SLC7A10: variants seen among roughly 807,000 people sequenced by gnomAD.
SLC7A10 encodes solute carrier family 7 member 10.
SLC7A10 carries 30 observed loss-of-function variants against 52.7 expected under a neutral mutation model. The ratio of observed to expected loss-of-function variants is 0.57; its 90% CI spans 0.43 to 0.77. The LOEUF is 0.77. SLC7A10 is among the 30% of genes least tolerant of loss of function. The probability of loss-of-function intolerance (pLI) is 0.00; values close to 1 mark genes in which losing one functional copy is unlikely to be tolerated. For synonymous variants in SLC7A10, 318 were observed against 314.9 expected, an observed-to-expected ratio of 1.01 and a Z score of -0.10; for missense variants, 581 against 698.5, an observed-to-expected ratio of 0.83 and a Z score of 1.90.
At position 33,225,749 on chromosome 19, in the gene SLC7A10, C is replaced by G. The variant is rs2080144958; in HGVS notation, c.-46G>C. On this transcript the variant is annotated 5_prime_UTR_variant, in exon 1 of 11. Coordinates refer to ENST00000253188, the MANE Select transcript of SLC7A10 (RefSeq NM_019849.3). ...CCGCTCCCTGCGCTGCCCCGTCTGTCCGGCCGGCCGCCCGTCGGTCCGTCG... is the reference window on the plus strand; with the variant it reads ...CCGCTCCCTGCGCTGCCCCGTCTGTGCGGCCGGCCGCCCGTCGGTCCGTCG... 6.9e-7 allele frequency: 1 copy of G among 1,454,894 alleles called. No homozygotes were observed. The highest frequency in any genetic ancestry group is 1.5e-5 in the African/African-American group (1 of 67,198). 90.1% of individuals were successfully genotyped at this position (1,454,894 alleles called of 1,614,324 possible). A position where few individuals can be genotyped will look rare whatever the true frequency, so the allele number is the denominator to read the frequency against.
In SLC7A10 at chr19:33,208,834, A is replaced by G; in HGVS notation, c.*57T>C. 2 of 1,599,626 alleles carry G rather than the reference A, an allele frequency of 1.3e-6. No homozygotes were observed. Among genetic ancestry groups the G allele is most frequent in the East Asian group, 2.3e-5 (1 of 43,990 alleles). ...CAAAACAAAACTTTTTTGCCAAAAC[A>G]CCTCCTCAATAAACAACATGTAAAC... On this transcript the variant is annotated 3_prime_UTR_variant, in exon 11 of 11. Transcript: ENST00000253188. The surrounding 1 kb of genome is among the most constrained non-coding windows in gnomAD (Gnocchi z 4.7).
chr19:33,224,070 A>G (rs1410631534), intron 1 of SLC7A10, among the ~76,000 whole-genome samples: 1 of 152,012 alleles, frequency 6.6e-6, no homozygotes, highest in African/African-American at 2.4e-5. Context: ...GGGATAGAGT[A>G]GGAAGACAGG....
At chr19:33,214,677 G>A (rs181118598) in intron 2 of SLC7A10, among the ~76,000 whole-genome samples, 8 of 152,292 alleles carry the variant, frequency 5.3e-5, no homozygotes, top group Admixed American at 1.3e-4. Flanking sequence ...AGCTAGGCCC[G>A]GTGGGGAAAA....
In SLC7A10 at chr19:33,208,879, T is replaced by A; in HGVS notation, c.*12A>T. The A allele has an allele frequency of 1.3e-6, 2 of 1,547,254 alleles. No homozygotes were observed. The highest frequency in any genetic ancestry group is 1.8e-6 in the Non-Finnish European group (2 of 1,138,988). On this transcript the variant is annotated 3_prime_UTR_variant, in exon 11 of 11. Coordinates refer to ENST00000253188, the MANE Select transcript of SLC7A10 (RefSeq NM_019849.3). The surrounding 1 kb of genome is among the most constrained non-coding windows in gnomAD (Gnocchi z 4.7). ...GTAAACAGAAACAACTGCTTCAGTC[T>A]CTACAAAAATCTCATTGTGGCTTCG...
intron 2 of SLC7A10, 100 bp from the exon 3 acceptor site, chr19:33,213,102 C>CG (rs1384632675): frequency 1.3e-6 from 2 of 1,506,952 alleles, no homozygotes; most frequent in Admixed American, 2.0e-5. Context: ...GCCTGGCGCC[C>CG]GGGGGCTGGC....
intron 3 of SLC7A10, 73 bp from the exon 4 acceptor site, chr19:33,212,712 G>C: frequency 6.2e-7 from 1 of 1,611,608 alleles, no homozygotes; most frequent in Non-Finnish European, 8.5e-7. Context: ...GTCCAGCCCA[G>C]GCGGCCCGAG....
In SLC7A10 at chr19:33,209,367, G is replaced by A. The variant is rs376605822; in HGVS notation, c.1382C>T (p.Pro461Leu). The stretch of plus-strand genomic sequence containing the variant: ...CCAGAACACTCCCAGAAAGAAAATG[G>A]GCACCCCCGTAAGGATGATGATGAC... ...VGVIIILTGVPIFFLGVFWRS... is the reference protein window; with the variant it reads ...VGVIIILTGVLIFFLGVFWRS... The change falls in exon 10 of 11, where the codon CCC becomes CTC. Residue 461 changes from proline to leucine, a missense_variant. Coordinates refer to ENST00000253188, the MANE Select transcript of SLC7A10 (RefSeq NM_019849.3). The A allele has an allele frequency of 1.1e-5, 17 of 1,614,056 alleles. No individual in the cohort carries two copies. Among genetic ancestry groups the A allele is most frequent in the Non-Finnish European group, 1.4e-5 (17 of 1,180,004 alleles).
At chr19:33,213,104 G>A in intron 2 of SLC7A10, 102 bp from the exon 3 acceptor site, 1 of 1,508,988 alleles carries the variant, frequency 6.6e-7, no homozygotes. Flanking sequence ...CTGGCGCCCG[G>A]GGGCTGGCGA....
intron 1 of SLC7A10, among the ~76,000 whole-genome samples, chr19:33,216,988 C>T (rs1006773979): frequency 1.4e-4 from 22 of 152,046 alleles, no homozygotes; most frequent in African/African-American, 5.1e-4. Flanking sequence ...GATTCTCCCA[C>T]GTCAGTCTCC....
rs1187104702 is a variant in SLC7A10, at chr19:33,209,102, A to G, written c.1442-81T>C. The G allele has an allele frequency of 1.1e-5, 18 of 1,596,362 alleles. No homozygotes were observed. In the East Asian group the frequency reaches 3.8e-4, roughly 34 times the overall value. On this transcript the variant is annotated intron_variant, in intron 10 of 10. Coordinates refer to ENST00000253188, the MANE Select transcript of SLC7A10 (RefSeq NM_019849.3). Reference sequence around the variant, plus strand: ...CAGCTCCGGACACCTCCCCTTGGGCAGGGGTCTTCAGGGAGTTGCTCCGTC... The same window carrying G: ...CAGCTCCGGACACCTCCCCTTGGGCGGGGGTCTTCAGGGAGTTGCTCCGTC...
At chr19:33,212,830 T>G (rs757594882) in intron 3 of SLC7A10, 21 bp downstream of exon 3, 4 of 1,611,930 alleles carry the variant, frequency 2.5e-6, no homozygotes, top group Non-Finnish European at 2.5e-6. Flanking sequence ...CTGGGGACAG[T>G]GGGCCAAAGG....
intron 1 of SLC7A10, among the ~76,000 whole-genome samples, chr19:33,217,377 C>T (rs925323953): frequency 6.6e-6 from 1 of 152,152 alleles, no homozygotes; most frequent in Non-Finnish European, 1.5e-5. Flanking sequence ...AGTAGGTTCC[C>T]AGGATGAGCA....
At chr19:33,215,618 TTCTCTCCATCCACCCCCCA>T in intron 2 of SLC7A10, 132 bp downstream of exon 2, 2 of 212,664 alleles carry the variant, frequency 9.4e-6, no homozygotes, top group Non-Finnish European at 7.1e-6. Flanking sequence ...CCCCCACACC[TTCTCTCCATCCACCCCCCA>T]CACCTTCTCT....
Position 33,225,444 on chromosome 19 carries a change from C to T in SLC7A10, c.151+109G>A, listed in dbSNP as rs534601627. The T allele has an allele frequency of 3.0e-6, 4 of 1,354,478 alleles. No homozygotes were observed. The African/African-American group carries it at 5.7e-5, about 19-fold the overall frequency. 83.9% of individuals were successfully genotyped at this position (1,354,478 alleles called of 1,614,324 possible). On this transcript the variant is annotated intron_variant, in intron 1 of 10. Coordinates refer to ENST00000253188, the MANE Select transcript of SLC7A10 (RefSeq NM_019849.3). The stretch of plus-strand genomic sequence containing the variant: ...GCTCTCTGAGGCCAGACTGCAGGTT[C>T]CCCAGGCAGACCCGTCCGAGCGCCC...
chr19:33,221,431 G>A (rs1047062835), intron 1 of SLC7A10, among the ~76,000 whole-genome samples: 3 of 152,196 alleles, frequency 2.0e-5, no homozygotes, highest in African/African-American at 4.8e-5. Context: ...GCCCAGGACT[G>A]ACAGGTCCCC....
At chr19:33,215,120 T>G (rs944229304) in intron 2 of SLC7A10, among the ~76,000 whole-genome samples, 6 of 151,724 alleles carry the variant, frequency 4.0e-5, no homozygotes, top group African/African-American at 1.5e-4. Flanking sequence ...ACAAAAAAAT[T>G]AGCCAGGCGT....
chr19:33,214,109 G>A (rs1974618185), intron 2 of SLC7A10, among the ~76,000 whole-genome samples: 1 of 152,128 alleles, frequency 6.6e-6, no homozygotes, highest in Non-Finnish European at 1.5e-5. Flanking sequence ...ATGAGGTCCT[G>A]GCCCTCTTCT....
Position 33,215,875 on chromosome 19 carries a change from C to T in SLC7A10, c.250G>A (p.Gly84Ser), listed in dbSNP as rs1445796367. ...CAGAGGGAGCCCAGAGCCGTCACGC[C>T]CCCACCCAGGACCCAGACGAACAGG... Reference protein sequence around the residue: ...LALFVWVLGGGVTALGSLCYA... With the variant: ...LALFVWVLGGSVTALGSLCYA... The change falls in exon 2 of 11, where the codon GGC becomes AGC. Residue 84 changes from glycine to serine, a missense_variant. Transcript: ENST00000253188. 6.2e-7 allele frequency: 1 copy of T among 1,609,388 alleles called. No homozygotes were observed. The highest frequency in any genetic ancestry group is 8.5e-7 in the Non-Finnish European group (1 of 1,178,202).
chr19:33,209,274 CCT>C (rs1345295354), intron 10 of SLC7A10, 32 bp downstream of exon 10: 1 of 1,613,178 alleles, frequency 6.2e-7, no homozygotes, highest in South Asian at 1.1e-5. Flanking sequence ...GCCCCGGCCC[CCT>C]GTGCTGGGTG....
Sources: gnomAD v4.1 joint callset for allele counts (sites outside exome capture counted in the v4.1 genomes callset) on GRCh38, gnomAD v4.1.1 for gene constraint, Gnocchi (gnomAD v3.1) non-coding constraint, MANE v1.5 for transcripts, NCBI Gene and HGNC (gene_info 2026-07-23, HGNC 2026-07-21) for gene names.